LIN9: variants seen among roughly 807,000 people sequenced by gnomAD.
LIN9 encodes lin-9 DREAM MuvB core complex component.
In LIN9, 18 loss-of-function variants were observed where a neutral mutation model predicts 78.0. The observed-to-expected ratio is 0.23, with a 90% CI of 0.16 to 0.34. The LOEUF (loss-of-function observed/expected upper bound fraction) is 0.34. LIN9 is among the 10% of genes least tolerant of loss of function. The probability of loss-of-function intolerance (pLI) is 1.00; values close to 1 mark genes in which losing one functional copy is unlikely to be tolerated. For missense variants in LIN9, 451 were observed against 644.1 expected, an observed-to-expected ratio of 0.70 and a Z score of 3.25; for synonymous variants, 192 against 215.2, an observed-to-expected ratio of 0.89 and a Z score of 0.94.
At chr1:226,232,871 A>G in intron 14 of LIN9, 1 of 496,386 alleles carries the variant, frequency 2.0e-6, no homozygotes, top group East Asian at 3.3e-5. Context: ...CTCAACCTCC[A>G]TGCTGACCCC....
At chr1:226,303,615 T>C (rs1662706523) in intron 1 of LIN9, among the ~76,000 whole-genome samples, 1 of 152,192 alleles carries the variant, frequency 6.6e-6, no homozygotes, top group South Asian at 2.1e-4. Context: ...TTTTTCTTTT[T>C]CTTTTTTTGA....
rs528663683 is a variant in LIN9 at position 226,278,150 on chromosome 1, C to T, written c.525-218G>A. Among the ~76,000 whole-genome samples the T allele has an allele frequency of 1.2e-3, 176 of 152,196 alleles. 1 individual carries two copies. The highest frequency in any genetic ancestry group is 3.9e-3 in the African/African-American group (164 of 41,546). On this transcript the variant is annotated intron_variant, in intron 6 of 14. Transcript: ENST00000681046. ...CTGAGATTAAAAACTTAAAATCAGC[C>T]GGACGTGGTGGCTCACGCCTGTTAT...
At chr1:226,308,196 A>G (rs1663043706) in intron 1 of LIN9, among the ~76,000 whole-genome samples, 1 of 152,144 alleles carries the variant, frequency 6.6e-6, no homozygotes, top group Non-Finnish European at 1.5e-5. Flanking sequence ...TTTTCATATA[A>G]TTTATGCAAT....
rs370100090 is a variant in LIN9, at chr1:226,277,912, T to C, written c.545A>G (p.Glu182Gly). The C allele has an allele frequency of 6.2e-6, 10 of 1,612,116 alleles. No homozygotes were observed. The highest frequency in any genetic ancestry group is 8.5e-6 in the Non-Finnish European group (10 of 1,179,284). Residue 182 changes from glutamate (E) to glycine (G), a missense_variant, in exon 7 of 15, where the codon GAG becomes GGG. Glu to Gly is a moderately conservative substitution (Grantham distance 98). Transcript: ENST00000681046. ...CTGTTTTAATGCTGATCTCTCTTCCTCAAAAAATGCAGAAGAACATCTAGA... is the reference window on the plus strand; with the variant it reads ...CTGTTTTAATGCTGATCTCTCTTCCCCAAAAAATGCAGAAGAACATCTAGA... ...KPRRCSSAFF[E>G]EERSALKQKR...
intron 11 of LIN9, among the ~76,000 whole-genome samples, chr1:226,240,666 G>A (rs1167267963): frequency 6.6e-6 from 1 of 152,048 alleles, no homozygotes; most frequent in Non-Finnish European, 1.5e-5. Context: ...TGGGATTACA[G>A]GTGTGAGCCA....
rs550466095 is a variant in LIN9, at chr1:226,309,095, G to A, written c.31+14C>T. 7.6e-7 allele frequency: 1 copy of A among 1,313,272 alleles called. No homozygotes were observed. The highest frequency in any genetic ancestry group is 1.5e-5 in the African/African-American group (1 of 66,338). The allele number at this position is 1,313,272 out of a possible 1,614,324, so 81.4% of individuals were successfully genotyped here. On this transcript the variant is annotated intron_variant, in intron 1 of 14. Transcript: ENST00000681046. Reference sequence around the variant, plus strand: ...AGGCGGGAAAAGGGGGGGGTGCTTTGAGGTGCTACTCACTCTCGTCAGGCA... The same window carrying A: ...AGGCGGGAAAAGGGGGGGGTGCTTTAAGGTGCTACTCACTCTCGTCAGGCA...
At position 226,287,803 on chromosome 1, in the gene LIN9, C is replaced by T. The variant is rs755455930; in HGVS notation, c.265-6G>A. ...GACATTGTTGCTGTAAATTTCTATA[C>T]AATAAAAAAAAGAGATTAATTTATG... On this transcript the variant is annotated splice_polypyrimidine_tract_variant and splice_region_variant and intron_variant, in intron 4 of 14. Coordinates refer to ENST00000681046, the MANE Select transcript of LIN9 (RefSeq NM_001366245.2). The T allele has an allele frequency of 7.8e-6, 12 of 1,531,454 alleles. No individual in the cohort carries two copies. Among genetic ancestry groups the T allele is most frequent in the Non-Finnish European group, 9.6e-6 (11 of 1,149,192 alleles). The allele number at this position is 1,531,454 out of a possible 1,614,324, so 94.9% of individuals were successfully genotyped here. A position where few individuals can be genotyped will look rare whatever the true frequency, so the allele number is the denominator to read the frequency against.
At chr1:226,290,851 G>C (rs1045661884) in intron 4 of LIN9, among the ~76,000 whole-genome samples, 2 of 151,954 alleles carry the variant, frequency 1.3e-5, no homozygotes, top group African/African-American at 4.8e-5. Context: ...TCGCCTCCCA[G>C]GTTCAACCTA....
In LIN9 at chr1:226,232,448, A is replaced by C; in HGVS notation, c.*53T>G. On this transcript the variant is annotated 3_prime_UTR_variant, in exon 15 of 15. Coordinates refer to ENST00000681046, the MANE Select transcript of LIN9 (RefSeq NM_001366245.2). ...TGGTGTTGGAAGCCTATATAAAGGA[A>C]AAGAACTTCTCAAAAACAATGTCCC... 1.6e-6 allele frequency: 2 copies of C among 1,236,474 alleles called. No individual in the cohort carries two copies. The highest frequency in any genetic ancestry group is 2.3e-6 in the Non-Finnish European group (2 of 854,782). The allele number at this position is 1,236,474 out of a possible 1,614,324, so 76.6% of individuals were successfully genotyped here.
At chr1:226,304,812 A>G (rs1576366733) in intron 1 of LIN9, among the ~76,000 whole-genome samples, 1 of 152,282 alleles carries the variant, frequency 6.6e-6, no homozygotes, top group East Asian at 1.9e-4. Context: ...ACCTGCTCTG[A>G]TGGGGCTACT....
chr1:226,235,643 C>T (rs754476718), intron 12 of LIN9, among the ~76,000 whole-genome samples: 1 of 152,170 alleles, frequency 6.6e-6, no homozygotes, highest in Non-Finnish European at 1.5e-5. Flanking sequence ...GACTTTGGAG[C>T]ATTTCAGACT....
chr1:226,231,827 C>T lies in LIN9; in HGVS notation c.*674G>A. 1 of 232,554 alleles carries T rather than the reference C, an allele frequency of 4.3e-6. No individual in the cohort carries two copies. The allele number at this position is 232,554 out of a possible 1,614,324, so 14.4% of individuals were successfully genotyped here. The stretch of plus-strand genomic sequence containing the variant: ...TTTAGCATTTTGCACCTTTTTTCCC[C>T]CTGTTCCTTCATTTTCTTTCAACAA... On this transcript the variant is annotated 3_prime_UTR_variant, in exon 15 of 15. Transcript: ENST00000681046.
At chr1:226,249,521 T>C (rs754787551) in intron 11 of LIN9, among the ~76,000 whole-genome samples, 22 of 152,208 alleles carry the variant, frequency 1.4e-4, no homozygotes, top group Non-Finnish European at 2.5e-4. Context: ...TAAAAAAAAT[T>C]CTATAATCCT....
intron 11 of LIN9, among the ~76,000 whole-genome samples, chr1:226,241,566 G>C (rs1192499555): frequency 2.0e-5 from 3 of 152,166 alleles, no homozygotes; most frequent in Non-Finnish European, 4.4e-5. Flanking sequence ...ATTACAAAAT[G>C]GGGTGATATA....
At chr1:226,249,512 A>T (rs932414811) in intron 11 of LIN9, among the ~76,000 whole-genome samples, 2 of 148,252 alleles carry the variant, frequency 1.3e-5, no homozygotes, top group Non-Finnish European at 1.5e-5. Flanking sequence ...ATTTTTGGAT[A>T]AAAAAAATTC....
intron 6 of LIN9, among the ~76,000 whole-genome samples, chr1:226,279,146 G>A (rs1455509742): frequency 6.6e-6 from 1 of 151,888 alleles, no homozygotes; most frequent in Non-Finnish European, 1.5e-5. Context: ...GGGCAACAGA[G>A]CGAGACTCCG....
At chr1:226,278,481 A>C (rs1252634090) in intron 6 of LIN9, among the ~76,000 whole-genome samples, 1 of 149,818 alleles carries the variant, frequency 6.7e-6, no homozygotes, top group Non-Finnish European at 1.5e-5. Context: ...TCATCTCACC[A>C]CTCCTTTTTT....
intron 14 of LIN9, chr1:226,232,841 G>T: frequency 2.0e-6 from 1 of 488,814 alleles, no homozygotes; most frequent in Non-Finnish European, 3.6e-6. Flanking sequence ...CTCACTGACT[G>T]GGGAAGCTCT....
chr1:226,271,314 G>A (rs964940144), intron 7 of LIN9, among the ~76,000 whole-genome samples: 2 of 152,140 alleles, frequency 1.3e-5, no homozygotes, highest in African/African-American at 4.8e-5. Context: ...TGTTCCTACA[G>A]CAAAATCCCT....
Sources: allele counts gnomAD v4.1 joint callset (sites outside exome capture counted in the v4.1 genomes callset), GRCh38; gene constraint gnomAD v4.1.1; transcripts MANE v1.5; gene names NCBI Gene and HGNC (gene_info 2026-07-23, HGNC 2026-07-21).